The following NLGN4Y variants were observed in gnomAD, a reference collection of about 807,000 sequenced individuals.
The protein encoded by NLGN4Y is neuroligin-4, Y-linked.
In NLGN4Y, 4 loss-of-function variants were observed where a neutral mutation model predicts 8.4. That is an observed-to-expected ratio of 0.48 (90% CI 0.23 to 1.09). The LOEUF is 1.09. Ranked by LOEUF, NLGN4Y falls within the 50% of genes least tolerant of loss-of-function variation. NLGN4Y has a pLI of 0.19. For missense variants in NLGN4Y, 90 were observed against 192.3 expected, an observed-to-expected ratio of 0.47 and a Z score of 3.15; for synonymous variants, 35 against 75.6, an observed-to-expected ratio of 0.46 and a Z score of 2.78.
intron 2 of NLGN4Y, among the ~76,000 whole-genome samples, chrY:14,703,969 T>C: frequency 3.0e-5 from 1 of 33,243 alleles, no homozygotes. Flanking sequence ...CTGTCTCTTA[T>C]TGGTATATAA....
At chrY:14,764,028 C>T in intron 4 of NLGN4Y, among the ~76,000 whole-genome samples, 1 of 33,300 alleles carries the variant, frequency 3.0e-5, no homozygotes, top group Non-Finnish European at 7.4e-5. Context: ...TTATTAATCT[C>T]CTACTGTGCC....
chrY:14,622,144 T>C lies in NLGN4Y; in HGVS notation c.25T>C (p.Trp9Arg). 1 of 398,276 alleles carries C rather than the reference T, an allele frequency of 2.5e-6. No individual in the cohort carries two copies. The highest frequency in any genetic ancestry group is 3.5e-6 in the Non-Finnish European group (1 of 282,740). Residue 9 changes from tryptophan to arginine, a missense_variant, in exon 2 of 7, where the codon TGG (tryptophan) becomes CGG (arginine). Trp to Arg is a moderately radical substitution (Grantham distance 101). Coordinates refer to ENST00000684976, the MANE Select transcript of NLGN4Y (RefSeq NM_001365588.1). ...CATGTTGCGTCCCCAGGGACTGCTA[T>C]GGCTCCCTTTGTTGTTCACCTCTGT... MLRPQGLLWLPLLFTSVCV... is the reference protein window; with the variant it reads MLRPQGLLRLPLLFTSVCV...
At chrY:14,733,466 C>T in intron 4 of NLGN4Y, 1 of 352,420 alleles carries the variant, frequency 2.8e-6, no homozygotes, top group Non-Finnish European at 4.0e-6. Context: ...GCAAGAGGCA[C>T]GTTTGTGTGG....
At chrY:14,636,844 T>C (rs2080566730) in intron 2 of NLGN4Y, among the ~76,000 whole-genome samples, 1 of 33,604 alleles carries the variant, frequency 3.0e-5, no homozygotes, top group Non-Finnish European at 7.4e-5. Context: ...TAAGAAGAGA[T>C]GAACTATCAT....
chrY:14,628,258 A>T (rs751522560), intron 2 of NLGN4Y, among the ~76,000 whole-genome samples: 1 of 34,130 alleles, frequency 2.9e-5, no homozygotes, highest in African/African-American at 1.1e-4. Flanking sequence ...GAAGCTATTT[A>T]AAAAAGAGCA....
In NLGN4Y at chrY:14,590,404, G is replaced by A. The variant is rs1603500649; in HGVS notation, c.-111-31605G>A. ...GCTGTTGGGAATTTGGCCAATGACC[G>A]CTTTGGCTACTTCCTGCTGCATAGG... On this transcript the variant is annotated intron_variant, in intron 1 of 6. Transcript: ENST00000684976. Among the ~76,000 whole-genome samples the A allele has an allele frequency of 1.2e-4, 4 of 33,743 alleles. No homozygotes were observed. The South Asian group carries it at 2.0e-3, about 17-fold the overall frequency. The allele number at this position is 33,743 out of a possible 37,273, so 90.5% of individuals were successfully genotyped here. A position where few individuals can be genotyped will look rare whatever the true frequency, so the allele number is the denominator to read the frequency against.
At chrY:14,706,798 ATATAT>A (rs2080880480) in intron 2 of NLGN4Y, among the ~76,000 whole-genome samples, 1 of 17,453 alleles carries the variant, frequency 5.7e-5, no homozygotes, top group African/African-American at 3.3e-4. Flanking sequence ...TTAAAAAAAA[ATATAT>A]ATATATATAT....
At chrY:14,620,404 C>G in intron 1 of NLGN4Y, among the ~76,000 whole-genome samples, 1 of 33,633 alleles carries the variant, frequency 3.0e-5, no homozygotes, top group East Asian at 7.9e-4. Flanking sequence ...ACACCTAAAT[C>G]AGCCATTTGA....
intron 4 of NLGN4Y, among the ~76,000 whole-genome samples, chrY:14,739,178 T>C (rs2080999568): frequency 3.1e-5 from 1 of 32,552 alleles, no homozygotes. Context: ...TCATAACTCA[T>C]TACAGCCTCC....
At chrY:14,831,547 TG>T (rs2043179167) in intron 6 of NLGN4Y, among the ~76,000 whole-genome samples, 1 of 29,775 alleles carries the variant, frequency 3.4e-5, no homozygotes, top group African/African-American at 1.3e-4. Flanking sequence ...TATTTGCATT[TG>T]TATATATATA....
At chrY:14,697,966 A>G in intron 2 of NLGN4Y, among the ~76,000 whole-genome samples, 1 of 33,032 alleles carries the variant, frequency 3.0e-5, no homozygotes, top group Non-Finnish European at 7.5e-5. Flanking sequence ...GAGGAAACGT[A>G]ACTTCCTACC....
At chrY:14,694,184 T>G in intron 2 of NLGN4Y, among the ~76,000 whole-genome samples, 1 of 33,891 alleles carries the variant, frequency 3.0e-5, no homozygotes, top group Middle Eastern at 0.014. Flanking sequence ...TGATGATGCA[T>G]GGTGACTGCT....
At chrY:14,536,858 T>C (rs2080136510) in intron 1 of NLGN4Y, among the ~76,000 whole-genome samples, 2 of 33,647 alleles carry the variant, frequency 5.9e-5, no homozygotes, top group Non-Finnish European at 1.5e-4. Context: ...CAGTAGGCTA[T>C]GACCTCACCA....
chrY:14,644,290 G>A, intron 2 of NLGN4Y, among the ~76,000 whole-genome samples: 1 of 32,060 alleles, frequency 3.1e-5, no homozygotes, highest in Non-Finnish European at 7.5e-5. Flanking sequence ...AGCAAGCTGG[G>A]GAGGTATGAG....
intron 2 of NLGN4Y, chrY:14,639,497 A>C: frequency 5.4e-6 from 1 of 184,146 alleles, no homozygotes; most frequent in East Asian, 1.2e-4. Context: ...ATGTTACTGG[A>C]GTTCTTCAAA....
At chrY:14,719,716 T>C (rs2150553892) in intron 3 of NLGN4Y, among the ~76,000 whole-genome samples, 198 bp downstream of exon 3, 2 of 32,969 alleles carry the variant, frequency 6.1e-5, no homozygotes, top group East Asian at 1.6e-3. Context: ...CAAATCACTG[T>C]GTGAAGTATA....
chrY:14,730,987 ATGTGTGTGTGTGTGTGTG>A (rs1248863150), intron 4 of NLGN4Y, among the ~76,000 whole-genome samples: 2 of 15,739 alleles, frequency 1.3e-4, no homozygotes, highest in Admixed American at 6.3e-4. Flanking sequence ...GAACCAAATT[ATGTGTGTGTGTGTGTGTG>A]TGTGTGTGTG....
At chrY:14,623,930 C>A (rs2080519814) in intron 2 of NLGN4Y, among the ~76,000 whole-genome samples, 1 of 33,259 alleles carries the variant, frequency 3.0e-5, no homozygotes, top group East Asian at 8.0e-4. Flanking sequence ...CTCATAAAAT[C>A]CAGGTCTGAA....
At chrY:14,724,078 TAAC>T (rs2080947609) in intron 4 of NLGN4Y, among the ~76,000 whole-genome samples, 1 of 33,823 alleles carries the variant, frequency 3.0e-5, no homozygotes, top group African/African-American at 1.1e-4. Context: ...AATAAAATTT[TAAC>T]AAATTATTCA....
Sources: gnomAD v4.1 joint callset for allele counts (sites outside exome capture counted in the v4.1 genomes callset) on GRCh38, gnomAD v4.1.1 for gene constraint, MANE v1.5 for transcripts, NCBI Gene and HGNC (gene_info 2026-07-23, HGNC 2026-07-21) for gene names.